The following DYNC2H1 variants were observed in gnomAD, a reference collection of about 807,000 sequenced individuals.
DYNC2H1 encodes cytoplasmic dynein 2 heavy chain 1.
A neutral mutation model predicts 570.0 loss-of-function variants in DYNC2H1; 410 were observed. That is an observed-to-expected ratio of 0.72 (90% CI 0.66 to 0.78). The LOEUF (loss-of-function observed/expected upper bound fraction) is 0.78, where lower values mean the gene tolerates loss of function less well. Among genes scored for constraint, DYNC2H1 ranks in the 30% least tolerant of loss-of-function variants. DYNC2H1 has a pLI of 0.00. For missense variants in DYNC2H1, 4,865 were observed against 5,046.4 expected (o/e 0.96, Z 1.09); for synonymous variants, 1,688 against 1,677.6 (o/e 1.01, Z -0.15).
intron 71 of DYNC2H1, 124 bp from the exon 72 acceptor site, chr11:103,282,055 T>TTAACATACTAG: frequency 1.4e-6 from 1 of 690,024 alleles, no homozygotes; most frequent in South Asian, 1.9e-5. Context: ...GAAGAAGTGG[T>TTAACATACTAG]AAGATGGAAA....
chr11:103,133,179 GTCAGTGGTTCCAGATTGGAATCT>G lies in DYNC2H1; in HGVS notation c.1954-373_1954-351del, dbSNP rs1859361600. 6.6e-6 allele frequency among the ~76,000 whole-genome samples: 1 copy of G among 152,180 alleles called. No individual in the cohort carries two copies. The highest frequency in any genetic ancestry group is 2.1e-4 in the South Asian group (1 of 4,832). Reference sequence around the variant, plus strand: ...ATAGGAGGTTTTTGAGTCTGTGCCTGTCAGTGGTTCCAGATTGGAATCTTCTCTAGCGCCCTGTCCTGGATGTA... The same window carrying G: ...ATAGGAGGTTTTTGAGTCTGTGCCTGTCTCTAGCGCCCTGTCCTGGATGTA... On this transcript the variant is annotated intron_variant, in intron 13 of 88. Transcript: ENST00000375735. This position sits in a 1 kb window ranked among gnomAD's most constrained non-coding sequence, Gnocchi z 4.8.
chr11:103,453,283 T>C (rs551354840), intron 85 of DYNC2H1, among the ~76,000 whole-genome samples: 4 of 151,924 alleles, frequency 2.6e-5, no homozygotes, highest in African/African-American at 4.8e-5. Flanking sequence ...CAAAGCCCAA[T>C]TTATGTGTGC....
chr11:103,397,408 T>G (rs1208701401), intron 83 of DYNC2H1, among the ~76,000 whole-genome samples: 1 of 152,220 alleles, frequency 6.6e-6, no homozygotes, highest in Non-Finnish European at 1.5e-5. Flanking sequence ...ACATACTCAT[T>G]TTGTGATTGT....
At chr11:103,392,454 G>A (rs1942198906) in intron 83 of DYNC2H1, among the ~76,000 whole-genome samples, 1 of 152,208 alleles carries the variant, frequency 6.6e-6, no homozygotes, top group Admixed American at 6.5e-5. Flanking sequence ...TACTGGGTGA[G>A]GTGATGCCTC....
chr11:103,318,089 A>C (rs1030923000), intron 80 of DYNC2H1, among the ~76,000 whole-genome samples: 2 of 152,190 alleles, frequency 1.3e-5, no homozygotes, highest in Non-Finnish European at 2.9e-5. Flanking sequence ...ATGGACAGCT[A>C]GGATGTGGCC....
At chr11:103,464,505 A>C (rs1317178285) in intron 87 of DYNC2H1, among the ~76,000 whole-genome samples, 1 of 152,162 alleles carries the variant, frequency 6.6e-6, no homozygotes, top group Non-Finnish European at 1.5e-5. Context: ...TTGGATGAAA[A>C]GCATCTGCAA....
chr11:103,110,776 C>T (rs917183553), intron 1 of DYNC2H1, among the ~76,000 whole-genome samples: 2 of 151,538 alleles, frequency 1.3e-5, no homozygotes, highest in African/African-American at 2.4e-5. Context: ...ACCCTTATCC[C>T]TAGGTCTAGC....
intron 82 of DYNC2H1, among the ~76,000 whole-genome samples, chr11:103,337,146 G>A (rs1939180487): frequency 6.6e-6 from 1 of 152,188 alleles, no homozygotes; most frequent in Non-Finnish European, 1.5e-5. Context: ...TGTTTCTGCT[G>A]CAGATAACTA....
At chr11:103,309,731 C>T (rs1867486474) in intron 78 of DYNC2H1, among the ~76,000 whole-genome samples, 1 of 151,974 alleles carries the variant, frequency 6.6e-6, no homozygotes, top group Non-Finnish European at 1.5e-5. Flanking sequence ...TTGCATGAGC[C>T]ATGAGGGCAG....
At chr11:103,321,638 G>T (rs918868019) in intron 81 of DYNC2H1, among the ~76,000 whole-genome samples, 6 of 152,032 alleles carry the variant, frequency 3.9e-5, no homozygotes, top group African/African-American at 9.7e-5. Flanking sequence ...TCAGTTTCTG[G>T]CTTGTACACT....
intron 70 of DYNC2H1, among the ~76,000 whole-genome samples, chr11:103,270,562 T>G (rs759361558): frequency 2.0e-5 from 3 of 149,602 alleles, no homozygotes; most frequent in Non-Finnish European, 4.5e-5. Flanking sequence ...GTGATGAAAA[T>G]TATATGATGT....
At chr11:103,291,045 G>A (rs1290167855) in intron 75 of DYNC2H1, among the ~76,000 whole-genome samples, 1 of 152,124 alleles carries the variant, frequency 6.6e-6, no homozygotes, top group Non-Finnish European at 1.5e-5. Flanking sequence ...GTGAAGGAGG[G>A]GATGCTGGTA....
chr11:103,456,160 T>G (rs1032260660), intron 86 of DYNC2H1, 115 bp from the exon 87 acceptor site: 21 of 769,196 alleles, frequency 2.7e-5, no homozygotes, highest in Admixed American at 2.4e-4. Flanking sequence ...GGTATTATTA[T>G]TTACACATGG....
intron 87 of DYNC2H1, among the ~76,000 whole-genome samples, chr11:103,457,958 TATAAA>T (rs1379599458): frequency 6.6e-6 from 1 of 152,218 alleles, no homozygotes; most frequent in Non-Finnish European, 1.5e-5. Flanking sequence ...AAATTAAAAG[TATAAA>T]ATAAAAAGTT....
chr11:103,351,707 CTGTG>C (rs1333651785), intron 82 of DYNC2H1, among the ~76,000 whole-genome samples: 1 of 152,044 alleles, frequency 6.6e-6, no homozygotes, highest in Non-Finnish European at 1.5e-5. Context: ...TTTCTTGAAT[CTGTG>C]TTCAGGAGTA....
Position 103,154,694 on chromosome 11 carries a change from G to T in DYNC2H1, c.3459-1G>T. 1 of 1,566,060 alleles carries T rather than the reference G, an allele frequency of 6.4e-7. No homozygotes were observed. Among genetic ancestry groups the T allele is most frequent in the East Asian group, 2.3e-5 (1 of 43,116 alleles). ...TGCAATGTGTTTTTGGTATTTTATAGGACTAAGACATACCTGTTTGAGGAA... is the reference window on the plus strand; with the variant it reads ...TGCAATGTGTTTTTGGTATTTTATATGACTAAGACATACCTGTTTGAGGAA... On this transcript the variant is annotated splice_acceptor_variant, in intron 23 of 88. Transcript: ENST00000375735. LOFTEE classifies it high-confidence loss of function.
At chr11:103,401,663 AT>A (rs1294711339) in intron 84 of DYNC2H1, among the ~76,000 whole-genome samples, 1 of 152,136 alleles carries the variant, frequency 6.6e-6, no homozygotes, top group Non-Finnish European at 1.5e-5. Context: ...CGCTTTTCTC[AT>A]TTGTAAAATG....
In DYNC2H1 at chr11:103,244,234, A is replaced by T. The variant is rs1003241444; in HGVS notation, c.9918+443A>T. On this transcript the variant is annotated intron_variant, in intron 64 of 88. Coordinates refer to ENST00000375735, the MANE Select transcript of DYNC2H1 (RefSeq NM_001377.3). The surrounding 1 kb of genome is among the most constrained non-coding windows in gnomAD (Gnocchi z 4.3). Reference sequence around the variant, plus strand: ...CAATTTCTTTAACTCATTGACAGACATCTTTAATGTATCCCAAGATTTGAT... The same window carrying T: ...CAATTTCTTTAACTCATTGACAGACTTCTTTAATGTATCCCAAGATTTGAT... Among the ~76,000 whole-genome samples the T allele has an allele frequency of 6.6e-6, 1 of 152,100 alleles. No homozygotes were observed. Among genetic ancestry groups the T allele is most frequent in the African/African-American group, 2.4e-5 (1 of 41,446 alleles).
intron 84 of DYNC2H1, among the ~76,000 whole-genome samples, chr11:103,432,758 A>T (rs1271475328): frequency 6.6e-6 from 1 of 152,176 alleles, no homozygotes; most frequent in African/African-American, 2.4e-5. Context: ...CTAACAATGT[A>T]AAAACTGCAG....
Sources: allele counts gnomAD v4.1 joint callset (sites outside exome capture counted in the v4.1 genomes callset), GRCh38; gene constraint gnomAD v4.1.1; non-coding constraint Gnocchi (gnomAD v3.1); transcripts MANE v1.5; gene names NCBI Gene and HGNC (gene_info 2026-07-23, HGNC 2026-07-21).